Variants in OSBPL6 observed in about 807,000 individuals in gnomAD.
OSBPL6 encodes oxysterol binding protein like 6, also known as oxysterol-binding protein-related protein 6.
OSBPL6 carries 49 observed loss-of-function variants against 125.8 expected under a neutral mutation model. The ratio of observed to expected loss-of-function variants is 0.39; its 90% CI spans 0.31 to 0.49. OSBPL6 has a LOEUF of 0.49. Among genes scored for constraint, OSBPL6 ranks in the 20% least tolerant of loss-of-function variants. The pLI is 0.88. For synonymous variants in OSBPL6, 394 were observed against 391.8 expected, an observed-to-expected ratio of 1.01 and a Z score of -0.07; for missense variants, 986 against 1,135.4, an observed-to-expected ratio of 0.87 and a Z score of 1.89.
At chr2:178,320,290 T>C (rs377756027) in intron 3 of OSBPL6, 24 of 1,612,216 alleles carry the variant, frequency 1.5e-5, no homozygotes, top group East Asian at 2.2e-5. Context: ...AACACTAACC[T>C]GAGGAGCATA....
At chr2:178,370,033 G>T (rs570539417) in intron 13 of OSBPL6, among the ~76,000 whole-genome samples, 1 of 152,182 alleles carries the variant, frequency 6.6e-6, no homozygotes, top group Non-Finnish European at 1.5e-5. Context: ...GGGAGGCTGA[G>T]GCCAGAGGAT....
At chr2:178,276,292 G>A (rs867128857) in intron 1 of OSBPL6, among the ~76,000 whole-genome samples, 72 of 151,492 alleles carry the variant, frequency 4.8e-4, no homozygotes, top group African/African-American at 1.6e-3. Context: ...TTTGGGCATT[G>A]GTTGGAATAT....
intron 1 of OSBPL6, among the ~76,000 whole-genome samples, chr2:178,231,384 C>T (rs1353088294): frequency 6.6e-6 from 1 of 152,102 alleles, no homozygotes; most frequent in Non-Finnish European, 1.5e-5. Flanking sequence ...CATGCCTAGT[C>T]CCAGGTAGTA....
At chr2:178,292,314 A>G (rs1685360059) in intron 2 of OSBPL6, among the ~76,000 whole-genome samples, 1 of 152,206 alleles carries the variant, frequency 6.6e-6, no homozygotes, top group Admixed American at 6.5e-5. Context: ...GTAATTTAAA[A>G]TTTTACTTTA....
At chr2:178,210,442 C>G (rs988202209) in intron 1 of OSBPL6, among the ~76,000 whole-genome samples, 2 of 151,886 alleles carry the variant, frequency 1.3e-5, no homozygotes, top group African/African-American at 4.8e-5. Context: ...ATTTGATGGC[C>G]TTTTGGGTTT....
intron 12 of OSBPL6, among the ~76,000 whole-genome samples, chr2:178,358,283 A>G (rs1692005850): frequency 6.6e-6 from 1 of 152,240 alleles, no homozygotes; most frequent in South Asian, 2.1e-4. Flanking sequence ...AAAGAATTTG[A>G]TAACCAGAGC....
At chr2:178,267,878 G>T (rs1481099545) in intron 1 of OSBPL6, among the ~76,000 whole-genome samples, 2 of 150,904 alleles carry the variant, frequency 1.3e-5, no homozygotes, top group African/African-American at 4.9e-5. Flanking sequence ...CCAAATGAAT[G>T]ACGCTATCAG....
rs201270618 is a variant in OSBPL6 at position 178,395,438 on chromosome 2, T to A, written c.2697-13T>A. On this transcript the variant is annotated splice_polypyrimidine_tract_variant and intron_variant, in intron 24 of 24. Coordinates refer to ENST00000190611, the MANE Select transcript of OSBPL6 (RefSeq NM_032523.4). ...GTGATTCATGACTAATGTTGATGTT[T>A]ATATTTTCACAGAAAAGTTATTGAT... The A allele has an allele frequency of 6.3e-7, 1 of 1,591,720 alleles. No individual in the cohort carries two copies. The highest frequency in any genetic ancestry group is 2.2e-5 in the East Asian group (1 of 44,730).
intron 1 of OSBPL6, among the ~76,000 whole-genome samples, chr2:178,284,092 T>C (rs1684470458): frequency 6.6e-6 from 1 of 152,206 alleles, no homozygotes; most frequent in Non-Finnish European, 1.5e-5. Flanking sequence ...TATATTCTTT[T>C]ATAGTATGTA....
chr2:178,341,075 T>G (rs979507826), intron 11 of OSBPL6, among the ~76,000 whole-genome samples: 1 of 152,244 alleles, frequency 6.6e-6, no homozygotes, highest in Non-Finnish European at 1.5e-5. Context: ...GTTTTTGAAC[T>G]TGTGAGTGTC....
At chr2:178,287,838 T>A (rs543056920) in intron 2 of OSBPL6, among the ~76,000 whole-genome samples, 1 of 152,310 alleles carries the variant, frequency 6.6e-6, no homozygotes, top group Non-Finnish European at 1.5e-5. Context: ...GTTCCTGTTA[T>A]CAGCTCCACA....
At chr2:178,213,120 C>T (rs990101580) in intron 1 of OSBPL6, among the ~76,000 whole-genome samples, 4 of 152,102 alleles carry the variant, frequency 2.6e-5, no homozygotes, top group Non-Finnish European at 5.9e-5. Flanking sequence ...CACGGACCCT[C>T]TTGATTGCTC....
intron 1 of OSBPL6, among the ~76,000 whole-genome samples, chr2:178,213,637 G>A (rs1045969635): frequency 6.6e-6 from 1 of 152,174 alleles, no homozygotes; most frequent in African/African-American, 2.4e-5. Flanking sequence ...GCACAAGTCT[G>A]ATCATGTCAC....
intron 12 of OSBPL6, among the ~76,000 whole-genome samples, chr2:178,351,785 T>A (rs1691282995): frequency 6.6e-6 from 1 of 152,052 alleles, no homozygotes; most frequent in African/African-American, 2.4e-5. Context: ...GGGGGCTAAA[T>A]GATAACAACT....
At chr2:178,228,346 T>C (rs562116408) in intron 1 of OSBPL6, among the ~76,000 whole-genome samples, 64 of 152,120 alleles carry the variant, frequency 4.2e-4, no homozygotes, top group African/African-American at 6.5e-4. Flanking sequence ...CCATCCTGGC[T>C]AACATGGTGA....
intron 1 of OSBPL6, among the ~76,000 whole-genome samples, chr2:178,266,621 C>T (rs1352872092): frequency 6.6e-6 from 1 of 152,174 alleles, no homozygotes; most frequent in Non-Finnish European, 1.5e-5. Flanking sequence ...AACACAAAGC[C>T]TTAACACATG....
Position 178,372,225 on chromosome 2 carries a change from C to T in OSBPL6, c.1387C>T (p.Pro463Ser). ...QVVSVNIIPS[P>S]DEAGEQIHVS... ...TGTCAGTGTAAATATTATTCCTAGCCCTGATGAGGTAAGACTCATTTTAAA... is the reference window on the plus strand; with the variant it reads ...TGTCAGTGTAAATATTATTCCTAGCTCTGATGAGGTAAGACTCATTTTAAA... Residue 463 changes from proline to serine, a missense_variant, in exon 14 of 25, where the codon CCT becomes TCT. By Grantham distance (74) the Pro-to-Ser change is moderately conservative. Coordinates refer to ENST00000190611, the MANE Select transcript of OSBPL6 (RefSeq NM_032523.4). 6.2e-7 allele frequency: 1 copy of T among 1,607,736 alleles called. No homozygotes were observed. The highest frequency in any genetic ancestry group is 8.5e-7 in the Non-Finnish European group (1 of 1,175,524).
intron 3 of OSBPL6, among the ~76,000 whole-genome samples, chr2:178,309,090 C>T (rs1411413854): frequency 1.1e-4 from 16 of 152,132 alleles, no homozygotes; most frequent in Non-Finnish European, 2.4e-4. Flanking sequence ...TCTCTACTTG[C>T]CTTTCCTGCA....
rs559711623 is a variant in OSBPL6 at position 178,395,174 on chromosome 2, T to C, written c.2697-277T>C. ...AGTTACAGTATTTGTATATGCTTTA[T>C]TGGGGGCTATTTACTTTTTACCCCT... On this transcript the variant is annotated intron_variant, in intron 24 of 24. Coordinates refer to ENST00000190611, the MANE Select transcript of OSBPL6 (RefSeq NM_032523.4). 9.2e-5 allele frequency among the ~76,000 whole-genome samples: 14 copies of C among 152,314 alleles called. No homozygotes were observed. In the South Asian group the frequency reaches 1.0e-3, roughly 11 times the overall value.
Sources: allele counts gnomAD v4.1 joint callset (sites outside exome capture counted in the v4.1 genomes callset), GRCh38; gene constraint gnomAD v4.1.1; transcripts MANE v1.5; gene names NCBI Gene and HGNC (gene_info 2026-07-23, HGNC 2026-07-21).